Variants in STXBP5 observed in about 807,000 individuals in gnomAD.
The protein encoded by STXBP5 is syntaxin-binding protein 5.
A neutral mutation model predicts 152.4 loss-of-function variants in STXBP5; 50 were observed. The ratio of observed to expected loss-of-function variants is 0.33; its 90% CI spans 0.26 to 0.42. STXBP5 has a LOEUF of 0.42. Ranked by LOEUF, STXBP5 falls within the 10% of genes least tolerant of loss-of-function variation. The probability of loss-of-function intolerance (pLI) is 1.00; values close to 1 mark genes in which losing one functional copy is unlikely to be tolerated. For missense variants in STXBP5, 1,167 were observed against 1,388.6 expected, an observed-to-expected ratio of 0.84 and a Z score of 2.54; for synonymous variants, 492 against 494.7, an observed-to-expected ratio of 0.99 and a Z score of 0.07.
rs367995260 is a variant in STXBP5, at chr6:147,316,262, G to A, written c.1657G>A (p.Asp553Asn). Residue 553 changes from aspartate to asparagine, a missense_variant, in exon 16 of 28, where the codon GAT becomes AAT. By Grantham distance (23) the Asp-to-Asn change is conservative. Around this residue, in one of 3 missense-constraint regions of STXBP5, gnomAD observed 833 missense variants for 986.3 expected, o/e 0.84. Coordinates refer to ENST00000321680, the MANE Select transcript of STXBP5 (RefSeq NM_001127715.4). ...LEVRLLYEIN[D>N]VETPEGEQPP... ...AGTTCGATTATTATATGAGATAAATGATGTGGAAACTCCGGAGGGTGAGCA... is the reference window on the plus strand; with the variant it reads ...AGTTCGATTATTATATGAGATAAATAATGTGGAAACTCCGGAGGGTGAGCA... 2.3e-5 allele frequency: 37 copies of A among 1,613,814 alleles called. No homozygotes were observed. The highest frequency in any genetic ancestry group is 3.1e-5 in the Non-Finnish European group (36 of 1,179,990).
At chr6:147,326,078 TG>T (rs1156269813) in intron 17 of STXBP5, among the ~76,000 whole-genome samples, 1 of 152,146 alleles carries the variant, frequency 6.6e-6, no homozygotes, top group Non-Finnish European at 1.5e-5. Context: ...TTAGTATCTG[TG>T]GGGGTCCTGG....
intron 8 of STXBP5, among the ~76,000 whole-genome samples, chr6:147,284,769 A>C (rs1222406575): frequency 6.6e-6 from 1 of 152,264 alleles, no homozygotes; most frequent in Admixed American, 6.5e-5. Flanking sequence ...CCTTTGGGCA[A>C]GTAGCAGGAA....
intron 16 of STXBP5, among the ~76,000 whole-genome samples, chr6:147,322,218 C>T (rs185495457): frequency 8.5e-4 from 129 of 152,322 alleles, no homozygotes; most frequent in Non-Finnish European, 1.3e-3. Context: ...CTTCAGTCTA[C>T]TCCTGTGTCA....
intron 9 of STXBP5, among the ~76,000 whole-genome samples, chr6:147,309,321 TAC>T (rs1188568778): frequency 1.3e-5 from 2 of 152,196 alleles, no homozygotes; most frequent in African/African-American, 2.4e-5. Flanking sequence ...CTGTATAATG[TAC>T]CATAAATAAC....
chr6:147,381,743 C>T, intron 26 of STXBP5, among the ~76,000 whole-genome samples: 1 of 152,052 alleles, frequency 6.6e-6, no homozygotes, highest in East Asian at 1.9e-4. Flanking sequence ...ACATCAATAA[C>T]CTTTGACGTT....
chr6:147,251,382 G>A (rs976769133), intron 4 of STXBP5, among the ~76,000 whole-genome samples: 1 of 152,178 alleles, frequency 6.6e-6, no homozygotes, highest in Non-Finnish European at 1.5e-5. Context: ...CAGATACCGA[G>A]CTAGCTACAG....
intron 3 of STXBP5, among the ~76,000 whole-genome samples, chr6:147,238,354 G>A (rs185471210): frequency 6.6e-6 from 1 of 152,052 alleles, no homozygotes; most frequent in Non-Finnish European, 1.5e-5. Context: ...ATCCTGTGAG[G>A]GAAAGAACTC....
chr6:147,245,368 C>G (rs1778760986), intron 4 of STXBP5, among the ~76,000 whole-genome samples: 1 of 152,108 alleles, frequency 6.6e-6, no homozygotes. Flanking sequence ...GAAAAACATA[C>G]AATTTTAAAT....
In STXBP5 at chr6:147,359,158, A is replaced by T; in HGVS notation, c.2380A>T (p.Ile794Phe). The part of the protein sequence containing the change: ...TSIDKESREA[I>F]SALHFCETFT... ...CATTGACAAAGAATCCCGAGAAGCG[A>T]TCTCCGCTCTTCATTTCTGTGAAAC... The change falls in exon 23 of 28, where the codon ATC (isoleucine) becomes TTC (phenylalanine). Residue 794 changes from isoleucine (I) to phenylalanine (F), a missense_variant. Ile to Phe is a conservative substitution (Grantham distance 21, BLOSUM62 0). Around this residue, in one of 3 missense-constraint regions of STXBP5, gnomAD observed 833 missense variants for 986.3 expected, o/e 0.84. Coordinates refer to ENST00000321680, the MANE Select transcript of STXBP5 (RefSeq NM_001127715.4). 1 of 1,614,062 alleles carries T rather than the reference A, an allele frequency of 6.2e-7. No homozygotes were observed. The highest frequency in any genetic ancestry group is 8.5e-7 in the Non-Finnish European group (1 of 1,179,940).
intron 25 of STXBP5, among the ~76,000 whole-genome samples, chr6:147,364,719 C>T (rs548830114): frequency 9.9e-5 from 15 of 152,118 alleles, no homozygotes; most frequent in Admixed American, 7.9e-4. Context: ...TGTGTGTATT[C>T]GAAGTGATCA....
At chr6:147,383,850 T>G (rs1786214944) in intron 27 of STXBP5, among the ~76,000 whole-genome samples, 1 of 152,038 alleles carries the variant, frequency 6.6e-6, no homozygotes, top group Admixed American at 6.6e-5. Context: ...AGAGGTAACT[T>G]GACCTGGAAG....
At chr6:147,329,561 G>T (rs192416199) in intron 18 of STXBP5, among the ~76,000 whole-genome samples, 1 of 130,454 alleles carries the variant, frequency 7.7e-6, no homozygotes, top group African/African-American at 2.8e-5. Context: ...CCTAACACAT[G>T]TATTTTATAA....
Position 147,374,545 on chromosome 6 carries a change from G to T in STXBP5, c.3193+703G>T, listed in dbSNP as rs77132666. On this transcript the variant is annotated intron_variant, in intron 26 of 27. Coordinates refer to ENST00000321680, the MANE Select transcript of STXBP5 (RefSeq NM_001127715.4). The stretch of plus-strand genomic sequence containing the variant: ...AATGAAGACTGTTCAAGTCAGTGGG[G>T]ACTGATAATTTGGGATAAAATTCTC... Among the ~76,000 whole-genome samples the T allele has an allele frequency of 7.2e-3, 1,099 of 152,242 alleles. 13 individuals carry two copies. Among genetic ancestry groups the T allele is most frequent in the African/African-American group, 0.025 (1,054 of 41,518 alleles).
At chr6:147,233,460 T>C (rs145212922) in intron 2 of STXBP5, among the ~76,000 whole-genome samples, 2,289 of 151,900 alleles carry the variant, frequency 0.015, 22 homozygotes, top group Non-Finnish European at 0.023. Flanking sequence ...ATATTATGTA[T>C]GTTTTGTGAT....
chr6:147,214,465 C>G (rs975697991), intron 2 of STXBP5, among the ~76,000 whole-genome samples: 1 of 152,146 alleles, frequency 6.6e-6, no homozygotes, highest in African/African-American at 2.4e-5. Context: ...TTACTGCTTA[C>G]TAGTGAGTGT....
intron 22 of STXBP5, among the ~76,000 whole-genome samples, chr6:147,357,367 T>C (rs1002605790): frequency 2.6e-5 from 4 of 152,114 alleles, no homozygotes; most frequent in Non-Finnish European, 5.9e-5. Flanking sequence ...GAGAAAATTG[T>C]GTGGCTCTAT....
chr6:147,299,125 T>C (rs1456772439), intron 9 of STXBP5, among the ~76,000 whole-genome samples: 2 of 151,248 alleles, frequency 1.3e-5, no homozygotes, highest in African/African-American at 2.4e-5. Context: ...TTAGTAAGAT[T>C]AAGAAAAAGA....
At chr6:147,330,316 G>GT (rs1442422941) in intron 18 of STXBP5, among the ~76,000 whole-genome samples, 3 of 152,126 alleles carry the variant, frequency 2.0e-5, no homozygotes, top group African/African-American at 7.2e-5. Context: ...ATGATTGTGT[G>GT]TATATTAGTA....
chr6:147,276,851 C>G (rs6910693), intron 7 of STXBP5, among the ~76,000 whole-genome samples: 2 of 151,770 alleles, frequency 1.3e-5, no homozygotes, highest in African/African-American at 4.8e-5. Context: ...ATTGGTTTAC[C>G]AAGACGTAAT....
Sources: allele counts gnomAD v4.1 joint callset (sites outside exome capture counted in the v4.1 genomes callset), GRCh38; gene constraint gnomAD v4.1.1; regional missense constraint gnomAD v4.1.1; transcripts MANE v1.5; gene names NCBI Gene and HGNC (gene_info 2026-07-23, HGNC 2026-07-21).